The following KLHL8 variants were observed in gnomAD, a reference collection of about 807,000 sequenced individuals.
KLHL8 encodes kelch like family member 8.
Under a neutral mutation model 63.5 loss-of-function variants are expected in KLHL8, and 38 were observed. The observed-to-expected ratio is 0.60, with a 90% CI of 0.46 to 0.78. The LOEUF (loss-of-function observed/expected upper bound fraction) is 0.78, where lower values mean the gene tolerates loss of function less well. Ranked by LOEUF, KLHL8 falls within the 30% of genes least tolerant of loss-of-function variation. KLHL8 has a pLI of 0.00. For missense variants in KLHL8, 566 were observed against 752.4 expected, an observed-to-expected ratio of 0.75 and a Z score of 2.90; for synonymous variants, 224 against 254.3, an observed-to-expected ratio of 0.88 and a Z score of 1.13.
At chr4:87,226,846 A>T (rs1237772849) in intron 1 of KLHL8, among the ~76,000 whole-genome samples, 4 of 22,992 alleles carry the variant, frequency 1.7e-4, no homozygotes, top group Admixed American at 8.4e-4. Context: ...TAATATATAT[A>T]TTATATATAA....
At chr4:87,178,174 TA>T (rs1316699615) in intron 5 of KLHL8, among the ~76,000 whole-genome samples, 1 of 152,136 alleles carries the variant, frequency 6.6e-6, no homozygotes, top group South Asian at 2.1e-4. Flanking sequence ...TAGATGGGCA[TA>T]AAAAAGCTGA....
At chr4:87,219,289 G>C (rs2110059145) in intron 1 of KLHL8, among the ~76,000 whole-genome samples, 1 of 152,258 alleles carries the variant, frequency 6.6e-6, no homozygotes, top group East Asian at 1.9e-4. Flanking sequence ...AGTACCGCAG[G>C]GCCAGAACAC....
intron 2 of KLHL8, among the ~76,000 whole-genome samples, chr4:87,191,013 C>G (rs961892669): frequency 6.6e-6 from 1 of 151,990 alleles, no homozygotes; most frequent in South Asian, 2.1e-4. Flanking sequence ...TAAAGGAAAA[C>G]CTTTATAAAT....
chr4:87,197,216 C>T lies in KLHL8; in HGVS notation c.-151-1526G>A, dbSNP rs190491053. 3.5e-4 allele frequency among the ~76,000 whole-genome samples: 24 copies of T among 68,072 alleles called. 1 individual carries two copies. The highest frequency in any genetic ancestry group is 3.2e-3 in the Admixed American group (22 of 6,830). 44.7% of individuals were successfully genotyped at this position (68,072 alleles called of 152,430 possible). ...GAACCTGTGACTTGCTTCTAATTGA[C>T]GGAATGTGGGAAAGTGATGAGATGC... On this transcript the variant is annotated intron_variant, in intron 1 of 9. Transcript: ENST00000273963.
intron 6 of KLHL8, among the ~76,000 whole-genome samples, chr4:87,173,498 C>T (rs1552144): frequency 0.2 from 30,159 of 151,954 alleles, 3,635 homozygotes; most frequent in East Asian, 0.46. Context: ...AAACAAACAT[C>T]GGTGTCCATT....
intron 1 of KLHL8, among the ~76,000 whole-genome samples, chr4:87,196,261 AT>A (rs1731695404): frequency 6.6e-6 from 1 of 152,148 alleles, no homozygotes; most frequent in Non-Finnish European, 1.5e-5. Flanking sequence ...TCAAGTGCAG[AT>A]AAACAATCCC....
intron 1 of KLHL8, among the ~76,000 whole-genome samples, chr4:87,203,199 C>T (rs555516347): frequency 6.6e-6 from 1 of 152,142 alleles, no homozygotes. Flanking sequence ...TAAACCATTC[C>T]CAAGGAACAG....
At chr4:87,163,769 A>G (rs540412717) in intron 9 of KLHL8, 109 bp downstream of exon 9, 1 of 1,517,842 alleles carries the variant, frequency 6.6e-7, no homozygotes, top group South Asian at 1.2e-5. Flanking sequence ...GGGAGATAAG[A>G]TATCCCAAAG....
chr4:87,207,629 C>A, intron 1 of KLHL8: 2 of 1,223,062 alleles, frequency 1.6e-6, no homozygotes, highest in Non-Finnish European at 2.4e-6. Context: ...CATGCCATCA[C>A]TGCCACCCAG....
chr4:87,226,924 ATATT>A (rs1304467442), intron 1 of KLHL8, among the ~76,000 whole-genome samples: 1 of 54,104 alleles, frequency 1.8e-5, no homozygotes, highest in Admixed American at 3.7e-4. Flanking sequence ...AATAATATAT[ATATT>A]ATATATAAAT....
chr4:87,170,085 C>T lies in KLHL8; in HGVS notation c.1531G>A (p.Val511Ile), dbSNP rs780204727. The change falls in exon 8 of 10, where the codon GTA becomes ATA. Residue 511 changes from valine (V) to isoleucine (I), a missense_variant. Val to Ile is a conservative substitution (Grantham distance 29, BLOSUM62 3). Transcript: ENST00000273963. Reference protein sequence around the residue: ...GVSKLHGCLYVVGGFDDNSPL... With the variant: ...GVSKLHGCLYIVGGFDDNSPL... ...GAAATACCCATTTACTCACCAACTACGTATAAGCAACCATGAAGCTTGCTA... is the reference window on the plus strand; with the variant it reads ...GAAATACCCATTTACTCACCAACTATGTATAAGCAACCATGAAGCTTGCTA... 11 of 1,613,190 alleles carry T rather than the reference C, an allele frequency of 6.8e-6. No individual in the cohort carries two copies. The highest frequency in any genetic ancestry group is 4.0e-5 in the African/African-American group (3 of 74,882).
intron 4 of KLHL8, among the ~76,000 whole-genome samples, chr4:87,181,304 G>T (rs915788468): frequency 6.6e-6 from 1 of 151,448 alleles, no homozygotes; most frequent in African/African-American, 2.4e-5. Flanking sequence ...AAATTTGCCC[G>T]GCGTGGTGGG....
chr4:87,163,884 A>G lies in KLHL8; in HGVS notation c.1733T>C (p.Leu578Pro). 1.9e-6 allele frequency: 3 copies of G among 1,613,650 alleles called. No homozygotes were observed. The highest frequency in any genetic ancestry group is 2.5e-6 in the Non-Finnish European group (3 of 1,179,632). Residue 578 changes from leucine (L) to proline (P), a missense_variant, in exon 9 of 10, where the codon CTG becomes CCG. Coordinates refer to ENST00000273963, the MANE Select transcript of KLHL8 (RefSeq NM_020803.5). ...GAGACAACATGTAAATTACCTATTCAGCACTGGATCAAACGCTTCTACTGT... is the reference window on the plus strand; with the variant it reads ...GAGACAACATGTAAATTACCTATTCGGCACTGGATCAAACGCTTCTACTGT... ...LNTVEAFDPVLNRWELVGSVS... is the reference protein window; with the variant it reads ...LNTVEAFDPVPNRWELVGSVS...
intron 1 of KLHL8, among the ~76,000 whole-genome samples, chr4:87,238,608 C>A (rs971171674): frequency 2.6e-5 from 4 of 152,118 alleles, no homozygotes; most frequent in African/African-American, 9.7e-5. Flanking sequence ...TAGTTTAACA[C>A]TGAGAAAGAA....
intron 1 of KLHL8, among the ~76,000 whole-genome samples, chr4:87,206,842 CT>C (rs1370868631): frequency 2.0e-5 from 3 of 152,134 alleles, no homozygotes; most frequent in South Asian, 2.1e-4. Context: ...AACTCGTTCA[CT>C]TTTTTTCTTT....
chr4:87,207,999 C>A, intron 1 of KLHL8: 1 of 724,408 alleles, frequency 1.4e-6, no homozygotes. Flanking sequence ...CCCTCAACAA[C>A]CACTTTGTCA....
chr4:87,202,544 G>A (rs1731961879), intron 1 of KLHL8, among the ~76,000 whole-genome samples: 1 of 152,102 alleles, frequency 6.6e-6, no homozygotes, highest in Admixed American at 6.6e-5. Flanking sequence ...GGTAAGTAAG[G>A]TGAATGCTAT....
At chr4:87,221,686 AT>A (rs534068346), upstream of KLHL8, among the ~76,000 whole-genome samples, 1 of 151,960 alleles carries the variant, frequency 6.6e-6, no homozygotes, top group East Asian at 1.9e-4. Context: ...GAACATATAT[AT>A]ATCTGTATAT....
intron 8 of KLHL8, among the ~76,000 whole-genome samples, chr4:87,168,489 AAAGAG>A (rs1410025220): frequency 2.0e-5 from 3 of 152,194 alleles, no homozygotes; most frequent in Non-Finnish European, 4.4e-5. Flanking sequence ...AAAGAATAGA[AAAGAG>A]AATTCTTCTT....
Sources: gnomAD v4.1 joint callset for allele counts (sites outside exome capture counted in the v4.1 genomes callset) on GRCh38, gnomAD v4.1.1 for gene constraint, MANE v1.5 for transcripts, NCBI Gene and HGNC (gene_info 2026-07-23, HGNC 2026-07-21) for gene names.